COLGALT2: variants seen among roughly 807,000 people sequenced by gnomAD.
COLGALT2 encodes collagen beta(1-O)galactosyltransferase 2, also known as procollagen galactosyltransferase 2.
In COLGALT2, 49 loss-of-function variants were observed where a neutral mutation model predicts 73.4. The observed-to-expected ratio is 0.67, with a 90% CI of 0.53 to 0.85. COLGALT2 has a LOEUF of 0.85. Ranked by LOEUF, COLGALT2 falls within the 40% of genes least tolerant of loss-of-function variation. The probability of loss-of-function intolerance (pLI) is 0.00; values close to 1 mark genes in which losing one functional copy is unlikely to be tolerated. For synonymous variants in COLGALT2, 295 were observed against 307.6 expected (o/e 0.96, Z 0.43); for missense variants, 722 against 790.2 (o/e 0.91, Z 1.03).
chr1:183,936,941 C>T lies in COLGALT2; in HGVS notation c.*1820G>A. ...TCTTGTCCTAAAGTGGGGACCCGCC[C>T]CTCACCTGGGGAGATGAGGCTGCCT... On this transcript the variant is annotated 3_prime_UTR_variant, in exon 12 of 12. Transcript: ENST00000361927. 8.1e-7 allele frequency: 1 copy of T among 1,231,752 alleles called. No homozygotes were observed. Among genetic ancestry groups the T allele is most frequent in the Non-Finnish European group, 1.0e-6 (1 of 987,990 alleles). 76.3% of individuals were successfully genotyped at this position (1,231,752 alleles called of 1,614,324 possible). A position where few individuals can be genotyped will look rare whatever the true frequency, so the allele number is the denominator to read the frequency against.
intron 1 of COLGALT2, among the ~76,000 whole-genome samples, chr1:184,026,431 C>A (rs1649333472): frequency 6.6e-6 from 1 of 152,154 alleles, no homozygotes; most frequent in African/African-American, 2.4e-5. Context: ...TAAGACTTAA[C>A]AACTGAGTTG....
chr1:183,966,893 C>T (rs1055206647), intron 5 of COLGALT2, among the ~76,000 whole-genome samples: 2 of 152,214 alleles, frequency 1.3e-5, no homozygotes, highest in East Asian at 1.9e-4. Context: ...CCACATGGGG[C>T]AATGGCTAGA....
Position 184,016,289 on chromosome 1 carries a change from C to A in COLGALT2, c.263+20806G>T, listed in dbSNP as rs916583767. On this transcript the variant is annotated intron_variant, in intron 1 of 11. Transcript: ENST00000361927. ...ATGCTAAGAATTGTCTAAGTCAATG[C>A]GGCAAAAGCAGCCATATGGAATGTT... Among the ~76,000 whole-genome samples, 8 of 152,218 alleles carry A rather than the reference C, an allele frequency of 5.3e-5. No individual in the cohort carries two copies. The East Asian group carries it at 1.2e-3, about 22-fold the overall frequency.
At position 184,037,594 on chromosome 1, in the gene COLGALT2, C is replaced by T. The variant is rs1572693816; in HGVS notation, c.-237G>A. On this transcript the variant is annotated 5_prime_UTR_variant, in exon 1 of 12. Coordinates refer to ENST00000361927, the MANE Select transcript of COLGALT2 (RefSeq NM_015101.4). ...TGCGCAGCGTACCTGCAGCCGCTGG[C>T]GCTCCCCTGCGCCTCGGGCTCGCAG... 7 of 1,084,132 alleles carry T rather than the reference C, an allele frequency of 6.5e-6. No homozygotes were observed. In the Middle Eastern group the frequency reaches 1.2e-3, roughly 191 times the overall value. 67.2% of individuals were successfully genotyped at this position (1,084,132 alleles called of 1,614,324 possible).
At chr1:184,004,050 C>T (rs551143337) in intron 1 of COLGALT2, among the ~76,000 whole-genome samples, 2 of 152,270 alleles carry the variant, frequency 1.3e-5, no homozygotes, top group Admixed American at 1.3e-4. Context: ...AAGAAAACCA[C>T]CACCATGCAG....
In COLGALT2 at chr1:183,951,066, C is replaced by G; in HGVS notation, c.1077G>C (p.Met359Ile). 6.2e-7 allele frequency: 1 copy of G among 1,613,966 alleles called. No individual in the cohort carries two copies. The highest frequency in any genetic ancestry group is 8.5e-7 in the Non-Finnish European group (1 of 1,179,880). Reference protein sequence around the residue: ...LKRRKDRRDRMLRTLYEQEIE... With the variant: ...LKRRKDRRDRILRTLYEQEIE... ...TCTCCTGTTCATACAGTGTGCGCAG[C>G]ATCCGGTCCCGCCTGTCCTTTCTGC... The change falls in exon 8 of 12, where the codon ATG (methionine) becomes ATC (isoleucine). Residue 359 changes from methionine (M) to isoleucine (I), a missense_variant. Coordinates refer to ENST00000361927, the MANE Select transcript of COLGALT2 (RefSeq NM_015101.4).
intron 2 of COLGALT2, among the ~76,000 whole-genome samples, chr1:183,977,470 C>CA (rs71993168): frequency 0.62 from 78,582 of 126,544 alleles, 25,677 homozygotes; most frequent in Non-Finnish European, 0.76. Flanking sequence ...GACTCTGTCT[C>CA]AAAAAAAAAA....
chr1:184,032,187 T>C (rs984297714), intron 1 of COLGALT2, among the ~76,000 whole-genome samples: 4 of 152,126 alleles, frequency 2.6e-5, no homozygotes, highest in Non-Finnish European at 5.9e-5. Flanking sequence ...AGCCACTGCA[T>C]CCAGATAAAT....
At position 183,937,947 on chromosome 1, in the gene COLGALT2, C is replaced by T; in HGVS notation, c.*814G>A. ...ACCCGGGACAGGGCAGGATGCACAG[C>T]CAGTCCTCACCCTTTATATATTACA... On this transcript the variant is annotated 3_prime_UTR_variant, in exon 12 of 12. Coordinates refer to ENST00000361927, the MANE Select transcript of COLGALT2 (RefSeq NM_015101.4). The T allele has an allele frequency of 1.0e-6, 1 of 985,378 alleles. No homozygotes were observed. Among genetic ancestry groups the T allele is most frequent in the Non-Finnish European group, 1.2e-6 (1 of 829,918 alleles). 61.0% of individuals were successfully genotyped at this position (985,378 alleles called of 1,614,324 possible). A position where few individuals can be genotyped will look rare whatever the true frequency, so the allele number is the denominator to read the frequency against.
At chr1:183,934,693 C>T (rs534507782), downstream of COLGALT2, among the ~76,000 whole-genome samples, 29 of 152,278 alleles carry the variant, frequency 1.9e-4, no homozygotes, top group African/African-American at 6.5e-4. Context: ...CTCAAAAGCA[C>T]GTTATAGAAA....
intron 1 of COLGALT2, among the ~76,000 whole-genome samples, chr1:184,012,892 C>T (rs974509770): frequency 2.0e-5 from 3 of 152,202 alleles, no homozygotes; most frequent in Non-Finnish European, 4.4e-5. Context: ...CAAATATTTA[C>T]CGAGCAGCTT....
At chr1:183,954,112 C>T (rs914277406) in intron 7 of COLGALT2, among the ~76,000 whole-genome samples, 1 of 152,190 alleles carries the variant, frequency 6.6e-6, no homozygotes, top group Non-Finnish European at 1.5e-5. Context: ...GATGTGGAGT[C>T]ACAATCCCTG....
At chr1:183,965,325 A>G (rs1005575719) in intron 5 of COLGALT2, among the ~76,000 whole-genome samples, 1 of 152,250 alleles carries the variant, frequency 6.6e-6, no homozygotes, top group African/African-American at 2.4e-5. Flanking sequence ...TGAGGCTTCC[A>G]TAAAAAAATG....
intron 1 of COLGALT2, among the ~76,000 whole-genome samples, chr1:184,021,075 C>T (rs1187491872): frequency 6.6e-6 from 1 of 152,116 alleles, no homozygotes; most frequent in Non-Finnish European, 1.5e-5. Flanking sequence ...CATGATTCAG[C>T]ATGGCACGAG....
rs1669969604 is a variant in COLGALT2 at position 183,936,882 on chromosome 1, G to A, written c.*1879C>T. 1 of 1,231,804 alleles carries A rather than the reference G, an allele frequency of 8.1e-7. No homozygotes were observed. Among genetic ancestry groups the A allele is most frequent in the African/African-American group, 1.5e-5 (1 of 64,538 alleles). The allele number at this position is 1,231,804 out of a possible 1,614,324, so 76.3% of individuals were successfully genotyped here. On this transcript the variant is annotated 3_prime_UTR_variant, in exon 12 of 12. Transcript: ENST00000361927. The stretch of plus-strand genomic sequence containing the variant: ...TACCCACAGTGAGTCGGGAAGGAAG[G>A]CCGAGGCTGGCGTCTGGTGGAAGGC...
At chr1:183,940,381 A>C (rs2102787106) in intron 11 of COLGALT2, among the ~76,000 whole-genome samples, 200 bp downstream of exon 11, 1 of 152,348 alleles carries the variant, frequency 6.6e-6, no homozygotes, top group South Asian at 2.1e-4. Flanking sequence ...TCTGGGCAGG[A>C]CACTCACCAT....
At chr1:183,979,694 A>G (rs1463602459) in intron 1 of COLGALT2, among the ~76,000 whole-genome samples, 1 of 152,150 alleles carries the variant, frequency 6.6e-6, no homozygotes, top group Admixed American at 6.5e-5. Flanking sequence ...CTAATATAGT[A>G]GAAAGTATAG....
chr1:183,969,333 T>G lies in COLGALT2; in HGVS notation c.768A>C (p.Pro256=), dbSNP rs1395927201. 1 of 1,613,418 alleles carries G rather than the reference T, an allele frequency of 6.2e-7. No individual in the cohort carries two copies. The highest frequency in any genetic ancestry group is 1.3e-5 in the African/African-American group (1 of 74,758). Residue 256 remains proline, a synonymous_variant, in exon 5 of 12, where the codon CCA becomes CCC. Coordinates refer to ENST00000361927, the MANE Select transcript of COLGALT2 (RefSeq NM_015101.4). ...EASDKLTFYP[P]HQDYTWTFDD... The stretch of plus-strand genomic sequence containing the variant: ...CAAAGGTCCAGGTGTAGTCCTGGTG[T>G]GGGGGGTAGAAAGTCAGCTTGTCCG...
chr1:183,939,151 A>G, intron 11 of COLGALT2, 114 bp from the exon 12 acceptor site: 3 of 708,504 alleles, frequency 4.2e-6, no homozygotes, highest in Non-Finnish European at 7.1e-6. Flanking sequence ...TCATTATTTC[A>G]ATTGTGTCAT....
Sources: allele counts gnomAD v4.1 joint callset (sites outside exome capture counted in the v4.1 genomes callset), GRCh38; gene constraint gnomAD v4.1.1; transcripts MANE v1.5; gene names NCBI Gene and HGNC (gene_info 2026-07-23, HGNC 2026-07-21).